Variants in VTA1 observed in about 807,000 individuals in gnomAD.
VTA1 encodes the protein vesicle trafficking 1.
A neutral mutation model predicts 36.9 loss-of-function variants in VTA1; 24 were observed. That is an observed-to-expected ratio of 0.65 (90% CI 0.47 to 0.91). The LOEUF (loss-of-function observed/expected upper bound fraction) is 0.91, where lower values mean the gene tolerates loss of function less well. VTA1 is among the 40% of genes least tolerant of loss of function. The pLI is 0.00. For synonymous variants in VTA1, 142 were observed against 130.2 expected (o/e 1.09, Z -0.62); for missense variants, 393 against 377.2 (o/e 1.04, Z -0.35).
At chr6:142,183,714 C>T (rs1352748360) in intron 4 of VTA1, among the ~76,000 whole-genome samples, 1 of 152,074 alleles carries the variant, frequency 6.6e-6, no homozygotes, top group Non-Finnish European at 1.5e-5. Context: ...ATCCAGCATC[C>T]TTTACATCCT....
chr6:142,149,366 TAATAA>T (rs1319532339), intron 1 of VTA1, among the ~76,000 whole-genome samples: 1 of 150,900 alleles, frequency 6.6e-6, no homozygotes, highest in Admixed American at 6.6e-5. Context: ...GTTTAAGGAA[TAATAA>T]AATGAACACT....
chr6:142,150,899 C>T (rs534077027), intron 1 of VTA1, among the ~76,000 whole-genome samples: 14 of 146,044 alleles, frequency 9.6e-5, no homozygotes, highest in Admixed American at 5.6e-4. Flanking sequence ...GCAGCAAGAG[C>T]GAAACTCCAT....
chr6:142,209,073 A>C (rs1775850160), intron 7 of VTA1, among the ~76,000 whole-genome samples: 1 of 152,174 alleles, frequency 6.6e-6, no homozygotes, highest in Non-Finnish European at 1.5e-5. Context: ...GAAGAAGTCA[A>C]ATTAGCCTTG....
chr6:142,219,881 T>C lies in VTA1; in HGVS notation c.*1238T>C, dbSNP rs1042703080. On this transcript the variant is annotated 3_prime_UTR_variant, in exon 8 of 8. Transcript: ENST00000367630. Reference sequence around the variant, plus strand: ...TTTCTTTGAAACAAGCCTACACTCATTCATTTATGTTTTGTCTGTGGTTGC... The same window carrying C: ...TTTCTTTGAAACAAGCCTACACTCACTCATTTATGTTTTGTCTGTGGTTGC... The C allele has an allele frequency of 1.3e-5, 2 of 152,196 alleles. No individual in the cohort carries two copies. The highest frequency in any genetic ancestry group is 4.8e-5 in the African/African-American group (2 of 41,454). The allele number at this position is 152,196 out of a possible 1,614,324, so 9.4% of individuals were successfully genotyped here.
rs1479402319 is a variant in VTA1, at chr6:142,219,748, C to T, written c.*1105C>T. ...TTTAAGATAAATTTGACAAAGTTAA[C>T]TGAAATTTATCTGGTCCATTTTATT... On this transcript the variant is annotated 3_prime_UTR_variant, in exon 8 of 8. Coordinates refer to ENST00000367630, the MANE Select transcript of VTA1 (RefSeq NM_016485.5). 5 of 152,070 alleles carry T rather than the reference C, an allele frequency of 3.3e-5. No homozygotes were observed. The allele number at this position is 152,070 out of a possible 1,614,324, so 9.4% of individuals were successfully genotyped here.
chr6:142,167,936 A>G (rs1443984905), intron 2 of VTA1, among the ~76,000 whole-genome samples: 2 of 152,242 alleles, frequency 1.3e-5, no homozygotes, highest in Admixed American at 1.3e-4. Flanking sequence ...TTCACTGTAT[A>G]GCAGTAGTAG....
intron 6 of VTA1, 183 bp downstream of exon 6, chr6:142,198,798 A>G: frequency 3.9e-6 from 2 of 513,344 alleles, no homozygotes; most frequent in Non-Finnish European, 6.5e-6. Context: ...TTGTATTCTA[A>G]TTATTTGAGA....
intron 2 of VTA1, among the ~76,000 whole-genome samples, chr6:142,169,016 G>A (rs890223445): frequency 1.6e-4 from 25 of 151,966 alleles, no homozygotes; most frequent in Non-Finnish European, 2.6e-4. Flanking sequence ...TGATCCACCC[G>A]CCTCAGCCTC....
At chr6:142,190,555 A>G (rs192642387) in intron 5 of VTA1, among the ~76,000 whole-genome samples, 27 of 152,326 alleles carry the variant, frequency 1.8e-4, no homozygotes, top group Middle Eastern at 3.4e-3. Context: ...TTAATGTGTA[A>G]TAGAAAAGGG....
chr6:142,209,838 A>G (rs1047633636), intron 7 of VTA1, among the ~76,000 whole-genome samples: 2 of 152,140 alleles, frequency 1.3e-5, no homozygotes, highest in Non-Finnish European at 2.9e-5. Flanking sequence ...ACCCAAAGCA[A>G]TCTACAGATT....
intron 1 of VTA1, among the ~76,000 whole-genome samples, chr6:142,154,753 A>G (rs909786796): frequency 3.9e-5 from 6 of 152,104 alleles, no homozygotes; most frequent in South Asian, 2.1e-4. Flanking sequence ...CTTATTTACC[A>G]TATGGGTATC....
At chr6:142,149,147 T>C (rs985426680) in intron 1 of VTA1, among the ~76,000 whole-genome samples, 6 of 152,188 alleles carry the variant, frequency 3.9e-5, no homozygotes, top group African/African-American at 1.4e-4. Context: ...TCCAGCCTTA[T>C]AGGTAAGTTT....
chr6:142,195,595 C>CTTTTTTTTTT (rs72442499), intron 5 of VTA1, among the ~76,000 whole-genome samples: 2 of 70,708 alleles, frequency 2.8e-5, no homozygotes, highest in African/African-American at 1.0e-4. Context: ...GTTTAATTTG[C>CTTTTTTTTTT]TTTTTTTTTT....
At chr6:142,160,573 T>C (rs942182959) in intron 1 of VTA1, among the ~76,000 whole-genome samples, 1 of 152,062 alleles carries the variant, frequency 6.6e-6, no homozygotes, top group African/African-American at 2.4e-5. Context: ...AGAGGACTGT[T>C]TTCTGCTTGG....
chr6:142,163,173 A>G (rs902516941), intron 1 of VTA1, among the ~76,000 whole-genome samples: 23 of 152,200 alleles, frequency 1.5e-4, no homozygotes, highest in Admixed American at 1.5e-3. Flanking sequence ...CACCAATTCC[A>G]TTAAGTCATC....
intron 2 of VTA1, among the ~76,000 whole-genome samples, chr6:142,166,534 C>G (rs988930184): frequency 6.6e-6 from 1 of 151,958 alleles, no homozygotes; most frequent in East Asian, 1.9e-4. Flanking sequence ...GTTCAAGTAT[C>G]TTTGCATATG....
intron 6 of VTA1, 91 bp from the exon 7 acceptor site, chr6:142,203,894 T>C (rs1018037280): frequency 1.0e-6 from 1 of 998,144 alleles, no homozygotes; most frequent in Non-Finnish European, 1.5e-6. Flanking sequence ...AGCAAAGTAA[T>C]GAAATTGCCT....
At chr6:142,164,124 A>G (rs1426265284) in intron 1 of VTA1, among the ~76,000 whole-genome samples, 1 of 152,096 alleles carries the variant, frequency 6.6e-6, no homozygotes, top group Non-Finnish European at 1.5e-5. Flanking sequence ...CATCCTCTTA[A>G]AAATAAGAGA....
chr6:142,224,683 A>G lies in VTA1; in HGVS notation c.*6040A>G, dbSNP rs891396284. On this transcript the variant is annotated 3_prime_UTR_variant, in exon 8 of 8. Coordinates refer to ENST00000367630, the MANE Select transcript of VTA1 (RefSeq NM_016485.5). ...ATGATCAAATAAAGGTTGTGTTCAG[A>G]AACCTCTGTTCTATTATATCATAGT... 4 of 152,252 alleles carry G rather than the reference A, an allele frequency of 2.6e-5. No individual in the cohort carries two copies. Among genetic ancestry groups the G allele is most frequent in the Non-Finnish European group, 4.4e-5 (3 of 68,042 alleles). 9.4% of individuals were successfully genotyped at this position (152,252 alleles called of 1,614,324 possible).
Sources: gnomAD v4.1 joint callset for allele counts (sites outside exome capture counted in the v4.1 genomes callset) on GRCh38, gnomAD v4.1.1 for gene constraint, MANE v1.5 for transcripts, NCBI Gene and HGNC (gene_info 2026-07-23, HGNC 2026-07-21) for gene names.